The following DLGAP2 variants were observed in gnomAD, a reference collection of about 807,000 sequenced individuals.
DLGAP2 encodes DLG associated protein 2.
DLGAP2 carries 26 observed loss-of-function variants against 100.3 expected under a neutral mutation model. The ratio of observed to expected loss-of-function variants is 0.26; its 90% CI spans 0.19 to 0.36. DLGAP2 has a LOEUF of 0.36. DLGAP2 is among the 10% of genes least tolerant of loss of function. The pLI is 1.00. For missense variants in DLGAP2, 1,858 were observed against 1,453.2 expected (o/e 1.28, Z -4.53); for synonymous variants, 886 against 630.1 (o/e 1.41, Z -6.08).
intron 8 of DLGAP2, among the ~76,000 whole-genome samples, chr8:1,648,748 G>A (rs1798098912): frequency 6.6e-6 from 1 of 152,120 alleles, no homozygotes; most frequent in East Asian, 1.9e-4. Flanking sequence ...CTCTCCCTGA[G>A]CCCCTGGTCC....
chr8:886,269 T>C (rs1343795688), intron 1 of DLGAP2, among the ~76,000 whole-genome samples: 1 of 152,196 alleles, frequency 6.6e-6, no homozygotes, highest in African/African-American at 2.4e-5. Context: ...TTCTCTCTCT[T>C]TTTCTTTATT....
intron 3 of DLGAP2, among the ~76,000 whole-genome samples, chr8:1,424,495 A>T (rs1247622180): frequency 6.6e-6 from 1 of 152,256 alleles, no homozygotes; most frequent in African/African-American, 2.4e-5. Flanking sequence ...TGTCATAGAA[A>T]GGAAGGAAAT....
At chr8:1,047,765 C>T (rs1223195354) in intron 2 of DLGAP2, among the ~76,000 whole-genome samples, 2 of 152,008 alleles carry the variant, frequency 1.3e-5, no homozygotes, top group Non-Finnish European at 1.5e-5. Context: ...GCCTTCATGC[C>T]CTAATCACCT....
intron 2 of DLGAP2, among the ~76,000 whole-genome samples, chr8:1,077,930 C>A (rs528312809): frequency 6.6e-6 from 1 of 152,220 alleles, no homozygotes; most frequent in African/African-American, 2.4e-5. Context: ...CCCTGATTCT[C>A]TCCACACCAC....
chr8:1,058,406 A>G (rs1037044766), intron 2 of DLGAP2, among the ~76,000 whole-genome samples: 5 of 152,298 alleles, frequency 3.3e-5, no homozygotes, highest in African/African-American at 1.2e-4. Context: ...ATGCGGTGTG[A>G]TATGGGTTCA....
At chr8:1,007,224 A>T (rs1180234180) in intron 2 of DLGAP2, among the ~76,000 whole-genome samples, 1 of 152,206 alleles carries the variant, frequency 6.6e-6, no homozygotes, top group South Asian at 2.1e-4. Flanking sequence ...AAGTCTTAGG[A>T]TACGGTCAGT....
chr8:759,660 C>A (rs1821028535), intron 1 of DLGAP2, among the ~76,000 whole-genome samples: 1 of 152,158 alleles, frequency 6.6e-6, no homozygotes, highest in African/African-American at 2.4e-5. Flanking sequence ...ACTCCGGTGT[C>A]CCCCAGGGCG....
intron 3 of DLGAP2, among the ~76,000 whole-genome samples, chr8:1,348,056 T>A (rs1212614909): frequency 6.6e-6 from 1 of 151,330 alleles, no homozygotes; most frequent in Non-Finnish European, 1.5e-5. Context: ...CACACAGAGC[T>A]GCGCTGCTCT....
intron 1 of DLGAP2, chr8:822,174 C>A (rs1322663544): frequency 2.5e-6 from 1 of 399,610 alleles, no homozygotes; most frequent in African/African-American, 2.0e-5. Context: ...CCCAGCCCAG[C>A]CACAATGGGG....
intron 3 of DLGAP2, among the ~76,000 whole-genome samples, chr8:1,295,251 T>C (rs1800144612): frequency 1.3e-5 from 2 of 152,200 alleles, no homozygotes; most frequent in African/African-American, 4.8e-5. Context: ...GAATCCTCCA[T>C]GCCGTCTCTT....
intron 2 of DLGAP2, among the ~76,000 whole-genome samples, chr8:1,051,349 C>T (rs1802705010): frequency 1.3e-5 from 2 of 152,142 alleles, no homozygotes; most frequent in Non-Finnish European, 2.9e-5. Context: ...GCTGCATCTT[C>T]TCTCCATACA....
At chr8:815,450 G>A (rs902294622) in intron 1 of DLGAP2, among the ~76,000 whole-genome samples, 3 of 152,186 alleles carry the variant, frequency 2.0e-5, no homozygotes, top group Non-Finnish European at 2.9e-5. Flanking sequence ...CAGTATTTGA[G>A]ATTAAAATGG....
chr8:1,647,420 C>G (rs1798065137), intron 8 of DLGAP2, among the ~76,000 whole-genome samples: 1 of 131,756 alleles, frequency 7.6e-6, no homozygotes, highest in Admixed American at 9.3e-5. Flanking sequence ...ACCCGGGAGG[C>G]AGAGCTTGCA....
At chr8:1,172,559 A>G (rs1484129376) in intron 2 of DLGAP2, among the ~76,000 whole-genome samples, 1 of 151,988 alleles carries the variant, frequency 6.6e-6, no homozygotes, top group Admixed American at 6.6e-5. Flanking sequence ...ATAGTCCCAT[A>G]TTTCTTGGAG....
At chr8:768,145 G>A (rs754202218) in intron 1 of DLGAP2, among the ~76,000 whole-genome samples, 10 of 152,206 alleles carry the variant, frequency 6.6e-5, no homozygotes, top group African/African-American at 9.6e-5. Context: ...GTCCAGTTGG[G>A]TTTGAAATAA....
chr8:779,484 G>T (rs1459577459), intron 1 of DLGAP2, among the ~76,000 whole-genome samples: 2 of 135,464 alleles, frequency 1.5e-5, no homozygotes, highest in African/African-American at 5.6e-5. Flanking sequence ...TTTTTTTTCA[G>T]ACAGGGTCTT....
chr8:1,412,011 G>C (rs1036787865), intron 3 of DLGAP2, among the ~76,000 whole-genome samples: 14 of 152,190 alleles, frequency 9.2e-5, no homozygotes, highest in African/African-American at 2.9e-4. Context: ...CAGATGCCAT[G>C]GGCAGGTGAT....
chr8:1,535,096 C>A (rs928874329), intron 4 of DLGAP2, among the ~76,000 whole-genome samples: 2 of 152,184 alleles, frequency 1.3e-5, no homozygotes, highest in Non-Finnish European at 2.9e-5. Context: ...TCCTGTGGAG[C>A]CACGGGAGGA....
chr8:1,053,493 C>A (rs556660190), intron 2 of DLGAP2, among the ~76,000 whole-genome samples: 1 of 151,990 alleles, frequency 6.6e-6, no homozygotes, highest in East Asian at 1.9e-4. Flanking sequence ...TCGCAGTCTC[C>A]GAGGCCAGGG....
Sources: allele counts gnomAD v4.1 joint callset (sites outside exome capture counted in the v4.1 genomes callset), GRCh38; gene constraint gnomAD v4.1.1; transcripts MANE v1.5; gene names NCBI Gene and HGNC (gene_info 2026-07-23, HGNC 2026-07-21).